NCAM2: variants seen among roughly 807,000 people sequenced by gnomAD.
NCAM2 encodes the protein N-CAM-2.
NCAM2 carries 30 observed loss-of-function variants against 98.1 expected under a neutral mutation model. The ratio of observed to expected loss-of-function variants is 0.31; its 90% CI spans 0.23 to 0.41. The LOEUF is 0.41. Among genes scored for constraint, NCAM2 ranks in the 10% least tolerant of loss-of-function variants. The probability of loss-of-function intolerance (pLI) is 1.00; values close to 1 mark genes in which losing one functional copy is unlikely to be tolerated. For missense variants in NCAM2, 867 were observed against 1,005.8 expected (o/e 0.86, Z 1.87); for synonymous variants, 368 against 342.4 (o/e 1.07, Z -0.83).
intron 12 of NCAM2, among the ~76,000 whole-genome samples, chr21:21,464,227 A>G (rs939814693): frequency 6.6e-6 from 1 of 152,104 alleles, no homozygotes; most frequent in East Asian, 1.9e-4. Flanking sequence ...ATGGAAAGGC[A>G]TACCATATAT....
At chr21:21,133,214 G>C (rs949643470) in intron 1 of NCAM2, among the ~76,000 whole-genome samples, 1 of 152,106 alleles carries the variant, frequency 6.6e-6, no homozygotes, top group Non-Finnish European at 1.5e-5. Flanking sequence ...TAACAATGAA[G>C]AAAACATTCA....
rs149098098 is a variant in NCAM2 at position 21,229,105 on chromosome 21, C to A, written c.56-51473C>A. Among the ~76,000 whole-genome samples, 279 of 151,396 alleles carry A rather than the reference C, an allele frequency of 1.8e-3. 3 individuals carry two copies. Among genetic ancestry groups the A allele is most frequent in the African/African-American group, 6.5e-3 (270 of 41,444 alleles). ...TTTTCTTCTTCCATTATTTTCTCTA[C>A]CCTATGCTGCCCACAAAACACATTG... On this transcript the variant is annotated intron_variant, in intron 1 of 17. Coordinates refer to ENST00000400546, the MANE Select transcript of NCAM2 (RefSeq NM_004540.5).
chr21:21,411,329 T>C lies in NCAM2; in HGVS notation c.1383+868T>C, dbSNP rs2076883817. Among the ~76,000 whole-genome samples, 3 of 150,152 alleles carry C rather than the reference T, an allele frequency of 2.0e-5. No individual in the cohort carries two copies. The South Asian group carries it at 6.3e-4, about 31-fold the overall frequency. ...ATGTTTTCATTGATTCCATGTGGTATAGCTTTTTTTTCTTTTCAGTCTGGC... is the reference window on the plus strand; with the variant it reads ...ATGTTTTCATTGATTCCATGTGGTACAGCTTTTTTTTCTTTTCAGTCTGGC... On this transcript the variant is annotated intron_variant, in intron 10 of 17. Transcript: ENST00000400546.
chr21:21,198,781 T>C (rs564127927), intron 1 of NCAM2, among the ~76,000 whole-genome samples: 1 of 152,276 alleles, frequency 6.6e-6, no homozygotes, highest in African/African-American at 2.4e-5. Context: ...AGCATGAAAC[T>C]TAGCACATAA....
At position 21,447,327 on chromosome 21, in the gene NCAM2, T is replaced by C. The variant is rs372682243; in HGVS notation, c.1654+15046T>C. On this transcript the variant is annotated intron_variant, in intron 12 of 17. Transcript: ENST00000400546. Reference sequence around the variant, plus strand: ...GGATATCCTTTTCAATAAATGGTGCTGGGAAAACTGGCTAGCAATATGCAA... The same window carrying C: ...GGATATCCTTTTCAATAAATGGTGCCGGGAAAACTGGCTAGCAATATGCAA... 1.2e-3 allele frequency among the ~76,000 whole-genome samples: 189 copies of C among 152,262 alleles called. 1 individual carries two copies. Among genetic ancestry groups the C allele is most frequent in the African/African-American group, 4.2e-3 (174 of 41,552 alleles).
intron 1 of NCAM2, among the ~76,000 whole-genome samples, chr21:21,204,568 C>G (rs2069362448): frequency 6.6e-6 from 1 of 152,100 alleles, no homozygotes; most frequent in African/African-American, 2.4e-5. Flanking sequence ...GAGTTGGATT[C>G]TAGCCAATAT....
chr21:21,418,390 G>C (rs191262226), intron 10 of NCAM2, 83 bp from the exon 11 acceptor site: 1 of 954,566 alleles, frequency 1.0e-6, no homozygotes, highest in Admixed American at 1.9e-5. Flanking sequence ...TGAAATGTGT[G>C]AAAGTGGTAG....
At position 21,521,824 on chromosome 21, in the gene NCAM2, CAA is replaced by C. The variant is rs1363747704; in HGVS notation, c.2283-12711_2283-12710del. 2.6e-5 allele frequency among the ~76,000 whole-genome samples: 4 copies of C among 151,498 alleles called. No homozygotes were observed. The South Asian group carries it at 8.3e-4, about 31-fold the overall frequency. ...TGTGCATATTGGTCATATTAAAAAA[CAA>C]AGACAGGGAGAAATAAACAGAAGAA... On this transcript the variant is annotated intron_variant, in intron 16 of 17. Transcript: ENST00000400546.
chr21:21,186,476 A>G (rs569883249), intron 1 of NCAM2, among the ~76,000 whole-genome samples: 1 of 152,284 alleles, frequency 6.6e-6, no homozygotes, highest in African/African-American at 2.4e-5. Flanking sequence ...AAAATGGATA[A>G]GACCATGCTA....
At chr21:21,175,546 A>AT (rs1285241833) in intron 1 of NCAM2, among the ~76,000 whole-genome samples, 5 of 152,216 alleles carry the variant, frequency 3.3e-5, no homozygotes, top group African/African-American at 9.6e-5. Context: ...AAAAATAAAA[A>AT]AAAATAAAAT....
At chr21:21,053,894 A>G (rs1234128503) in intron 1 of NCAM2, among the ~76,000 whole-genome samples, 3 of 151,424 alleles carry the variant, frequency 2.0e-5, no homozygotes, top group African/African-American at 7.3e-5. Flanking sequence ...ACTATTTTGA[A>G]CATTACTATG....
intron 1 of NCAM2, among the ~76,000 whole-genome samples, chr21:21,009,864 C>G (rs2064175164): frequency 7.5e-6 from 1 of 133,066 alleles, no homozygotes; most frequent in Admixed American, 8.2e-5. Context: ...CTCAAAAATC[C>G]TCCTTTGGCC....
chr21:21,306,367 A>G (rs1053789758), intron 5 of NCAM2, among the ~76,000 whole-genome samples: 2 of 152,150 alleles, frequency 1.3e-5, no homozygotes, highest in Non-Finnish European at 2.9e-5. Context: ...CTCTTATTAT[A>G]TAGATAAAAG....
At position 21,074,586 on chromosome 21, in the gene NCAM2, C is replaced by G. The variant is rs9305999; in HGVS notation, c.55+75968C>G. Among the ~76,000 whole-genome samples, 1,476 of 152,240 alleles carry G rather than the reference C, an allele frequency of 9.7e-3. 27 individuals are homozygous for G. Among genetic ancestry groups the G allele is most frequent in the African/African-American group, 0.033 (1,380 of 41,538 alleles). On this transcript the variant is annotated intron_variant, in intron 1 of 17. Transcript: ENST00000400546. ...CCCCACGTCAATGTGCTGGACTCTT[C>G]TAGATGGACCAGGAACTGGATTTCA...
chr21:21,433,723 A>G (rs971498325), intron 12 of NCAM2, among the ~76,000 whole-genome samples: 3 of 150,898 alleles, frequency 2.0e-5, no homozygotes, highest in Non-Finnish European at 4.4e-5. Context: ...AGCCTGGGCG[A>G]CAGAGCAAGA....
intron 1 of NCAM2, among the ~76,000 whole-genome samples, chr21:21,269,640 T>TG (rs1449073046): frequency 6.6e-6 from 1 of 152,218 alleles, no homozygotes; most frequent in African/African-American, 2.4e-5. Flanking sequence ...ATTTTATGAT[T>TG]GGCACTTAAC....
At chr21:21,041,836 G>C (rs1473991290) in intron 1 of NCAM2, among the ~76,000 whole-genome samples, 1 of 152,096 alleles carries the variant, frequency 6.6e-6, no homozygotes, top group African/African-American at 2.4e-5. Context: ...TTCTGATCTT[G>C]GTTGACTTCC....
At chr21:21,146,964 C>T (rs957939707) in intron 1 of NCAM2, among the ~76,000 whole-genome samples, 1 of 150,412 alleles carries the variant, frequency 6.6e-6, no homozygotes, top group African/African-American at 2.5e-5. Flanking sequence ...CCGCTGCCTT[C>T]TACTCCGGAA....
At chr21:21,110,923 T>A (rs1001921102) in intron 1 of NCAM2, among the ~76,000 whole-genome samples, 2 of 152,024 alleles carry the variant, frequency 1.3e-5, no homozygotes, top group Non-Finnish European at 2.9e-5. Context: ...CTCCTGGACA[T>A]GGTGTGTTTT....
Sources: allele counts gnomAD v4.1 joint callset (sites outside exome capture counted in the v4.1 genomes callset), GRCh38; gene constraint gnomAD v4.1.1; transcripts MANE v1.5; gene names NCBI Gene and HGNC (gene_info 2026-07-23, HGNC 2026-07-21).